Variants in KSR1 observed in about 807,000 individuals in gnomAD.
KSR1 encodes kinase suppressor of ras 1, also known as kinase suppressor of ras.
Under a neutral mutation model 92.9 loss-of-function variants are expected in KSR1, and 35 were observed. The observed-to-expected ratio is 0.38, with a 90% CI of 0.29 to 0.50. The LOEUF (loss-of-function observed/expected upper bound fraction) is 0.50, where lower values mean the gene tolerates loss of function less well. KSR1 is among the 20% of genes least tolerant of loss of function. KSR1 has a pLI of 0.94. For synonymous variants in KSR1, 467 were observed against 472.6 expected (o/e 0.99, Z 0.15); for missense variants, 972 against 1,158.5 (o/e 0.84, Z 2.34).
At chr17:27,486,296 C>G (rs1193169731) in intron 1 of KSR1, among the ~76,000 whole-genome samples, 4 of 152,226 alleles carry the variant, frequency 2.6e-5, no homozygotes, top group Non-Finnish European at 5.9e-5. Context: ...CGGGTACCCA[C>G]CGTTGTCTTG....
At chr17:27,597,570 C>T (rs16966333) in intron 10 of KSR1, 134 bp downstream of exon 10, 376,841 of 921,930 alleles carry the variant, frequency 0.41, 79,131 homozygotes, top group South Asian at 0.5. Flanking sequence ...ACTTGTCCGG[C>T]GCCCCAAGCA....
chr17:27,593,116 C>A (rs1022725823), intron 9 of KSR1, among the ~76,000 whole-genome samples: 1 of 152,238 alleles, frequency 6.6e-6, no homozygotes, highest in Non-Finnish European at 1.5e-5. Context: ...GGCTTTGCTG[C>A]CCTCACAAGA....
chr17:27,544,965 C>T (rs2071107688), intron 1 of KSR1, among the ~76,000 whole-genome samples: 1 of 152,210 alleles, frequency 6.6e-6, no homozygotes, highest in South Asian at 2.1e-4. Context: ...AGTTTTGCTC[C>T]ATCAGCAGAA....
chr17:27,582,784 A>G lies in KSR1; in HGVS notation c.659A>G (p.Asn220Ser). The G allele has an allele frequency of 1.2e-6, 2 of 1,613,694 alleles. No individual in the cohort carries two copies. The highest frequency in any genetic ancestry group is 1.7e-6 in the Non-Finnish European group (2 of 1,179,766). ...PGSSQLGRAG[N>S]SAQGPRSISV... ...AGCTCCCAGCTGGGCAGAGCAGGCA[A>G]CAGCGCCCAGGGCCCACGCTCCATC... The change falls in exon 4 of 21, where the codon AAC becomes AGC. Residue 220 changes from asparagine (N) to serine (S), a missense_variant. Asn to Ser is a conservative substitution (Grantham distance 46). Coordinates refer to ENST00000644974, the MANE Select transcript of KSR1 (RefSeq NM_001394583.1).
At chr17:27,551,006 T>A (rs2071380341) in intron 2 of KSR1, among the ~76,000 whole-genome samples, 1 of 152,228 alleles carries the variant, frequency 6.6e-6, no homozygotes, top group Admixed American at 6.5e-5. Context: ...TGGCAGACAC[T>A]GTGTTAAATG....
intron 9 of KSR1, among the ~76,000 whole-genome samples, chr17:27,596,770 A>C (rs1308917339): frequency 6.6e-6 from 1 of 152,232 alleles, no homozygotes; most frequent in Non-Finnish European, 1.5e-5. Flanking sequence ...GGTGCCTAGC[A>C]GACATGATAT....
intron 1 of KSR1, among the ~76,000 whole-genome samples, chr17:27,541,296 C>G (rs2070953551): frequency 6.6e-6 from 1 of 152,196 alleles, no homozygotes; most frequent in South Asian, 2.1e-4. Flanking sequence ...GAGTGGCTGT[C>G]CAGTTACTTC....
At chr17:27,499,307 C>T (rs999541813) in intron 1 of KSR1, among the ~76,000 whole-genome samples, 6 of 152,122 alleles carry the variant, frequency 3.9e-5, no homozygotes, top group African/African-American at 1.4e-4. Context: ...AAGTCCACCC[C>T]TAGGACTTAT....
chr17:27,527,033 G>C (rs1173148768), intron 1 of KSR1: 5 of 474,324 alleles, frequency 1.1e-5, no homozygotes, highest in African/African-American at 7.8e-5. Context: ...AATCCGGCAG[G>C]GACAGCTCGG....
Position 27,544,623 on chromosome 17 carries a change from T to C in KSR1, c.232-5945T>C, listed in dbSNP as rs141313521. ...AAGAATATTGGGGTGTGAGAGATGT[T>C]GGTTCCAGCCCAGGGCCTCCCCTGT... On this transcript the variant is annotated intron_variant, in intron 1 of 20. Transcript: ENST00000644974. Among the ~76,000 whole-genome samples, 83 of 152,340 alleles carry C rather than the reference T, an allele frequency of 5.4e-4. 2 individuals carry two copies. The East Asian group carries it at 0.01, about 18-fold the overall frequency.
intron 1 of KSR1, among the ~76,000 whole-genome samples, chr17:27,458,693 C>G (rs2019296673): frequency 6.6e-6 from 1 of 152,212 alleles, no homozygotes; most frequent in African/African-American, 2.4e-5. Flanking sequence ...CACAGGGGAT[C>G]TGCAGCTCCC....
intron 1 of KSR1, among the ~76,000 whole-genome samples, chr17:27,477,069 G>C (rs1205277764): frequency 6.6e-6 from 1 of 152,176 alleles, no homozygotes; most frequent in Non-Finnish European, 1.5e-5. Flanking sequence ...GACCATACAG[G>C]GTAACTTCTT....
At chr17:27,536,719 A>G (rs992058610) in intron 1 of KSR1, among the ~76,000 whole-genome samples, 5 of 152,224 alleles carry the variant, frequency 3.3e-5, no homozygotes, top group African/African-American at 1.2e-4. Flanking sequence ...GGCACCGGCC[A>G]TTGATCTGGA....
chr17:27,460,633 G>A (rs1327086714), intron 1 of KSR1, among the ~76,000 whole-genome samples: 3 of 152,148 alleles, frequency 2.0e-5, no homozygotes, highest in Non-Finnish European at 2.9e-5. Flanking sequence ...GGGGGTCAGA[G>A]GGGAGGCCCT....
intron 1 of KSR1, among the ~76,000 whole-genome samples, chr17:27,475,379 G>A (rs1243208592): frequency 6.6e-6 from 1 of 152,190 alleles, no homozygotes; most frequent in Non-Finnish European, 1.5e-5. Context: ...TGAAACTTAT[G>A]TCTTACTAAA....
chr17:27,516,098 A>G lies in KSR1; in HGVS notation c.232-34470A>G, dbSNP rs78990025. The stretch of plus-strand genomic sequence containing the variant: ...CTAGAAAACCTGGTTTTATCTAACT[A>G]AGAGACCTATCACATCCAGGAAGTT... On this transcript the variant is annotated intron_variant, in intron 1 of 20. Coordinates refer to ENST00000644974, the MANE Select transcript of KSR1 (RefSeq NM_001394583.1). 7.4e-4 allele frequency among the ~76,000 whole-genome samples: 112 copies of G among 152,266 alleles called. 3 individuals are homozygous for G. The East Asian group carries it at 0.019, about 26-fold the overall frequency.
chr17:27,523,100 C>T (rs997680162), intron 1 of KSR1, among the ~76,000 whole-genome samples: 35 of 152,036 alleles, frequency 2.3e-4, no homozygotes, highest in Non-Finnish European at 7.4e-5. Flanking sequence ...ATACACATAC[C>T]CTATAGCCAA....
At position 27,592,436 on chromosome 17, in the gene KSR1, C is replaced by T. The variant is rs753482627; in HGVS notation, c.1192+14C>T. ...CCTTCCTGCCACGTGAGTTTTCTGC[C>T]TTCCTCTCCTCTGCCTTCTGGATTT... On this transcript the variant is annotated intron_variant, in intron 8 of 20. Coordinates refer to ENST00000644974, the MANE Select transcript of KSR1 (RefSeq NM_001394583.1). The T allele has an allele frequency of 6.2e-7, 1 of 1,613,688 alleles. No individual in the cohort carries two copies. The highest frequency in any genetic ancestry group is 1.7e-4 in the Middle Eastern group (1 of 6,046).
At chr17:27,592,964 A>C (rs1397478947) in intron 9 of KSR1, among the ~76,000 whole-genome samples, 4 of 152,232 alleles carry the variant, frequency 2.6e-5, no homozygotes, top group Admixed American at 2.6e-4. Flanking sequence ...AGAAAACAGC[A>C]CAGCATCCCG....
Sources: gnomAD v4.1 joint callset for allele counts (sites outside exome capture counted in the v4.1 genomes callset) on GRCh38, gnomAD v4.1.1 for gene constraint, MANE v1.5 for transcripts, NCBI Gene and HGNC (gene_info 2026-07-23, HGNC 2026-07-21) for gene names.